Variants in AARS1 observed in about 807,000 individuals in gnomAD.
AARS1 encodes the protein alanyl-tRNA synthetase 1, also known as alanine--tRNA ligase, cytoplasmic.
AARS1 carries 72 observed loss-of-function variants against 108.9 expected under a neutral mutation model. That is an observed-to-expected ratio of 0.66 (90% confidence interval 0.55 to 0.80). The LOEUF is 0.80. AARS1 is among the 30% of genes least tolerant of loss of function. AARS1 has a pLI of 0.00. For missense variants in AARS1, 1,193 were observed against 1,233.2 expected (o/e 0.97, Z 0.49); for synonymous variants, 489 against 465.7 (o/e 1.05, Z -0.64).
chr16:70,276,763 A>G (rs1001965240), intron 3 of AARS1, 132 bp from the exon 4 acceptor site: 32 of 1,227,846 alleles, frequency 2.6e-5, no homozygotes, highest in African/African-American at 3.0e-5. Context: ...AGATCAGTTT[A>G]TGTAAGAAAT....
At position 70,282,607 on chromosome 16, in the gene AARS1, G is replaced by GA. The variant is rs751575387; in HGVS notation, c.144+12dup. The GA allele has an allele frequency of 7.4e-6, 12 of 1,613,932 alleles. No homozygotes were observed. The highest frequency in any genetic ancestry group is 1.3e-5 in the African/African-American group (1 of 74,902). ...TGTGAACCAAAAGCCAAGAAAAAAG[G>GA]AAAAACCCTTACCTGGTTCATGCCT... is the stretch of plus-strand genomic sequence containing the variant. On this transcript the variant is annotated intron_variant, in intron 2 of 20. Transcript: ENST00000261772.
chr16:70,270,139 AGAGTACAG>A, intron 6 of AARS1, 49 bp downstream of exon 6: 1 of 1,603,836 alleles, frequency 6.2e-7, no homozygotes, highest in Non-Finnish European at 8.5e-7. Context: ...AGCACTGTTA[AGAGTACAG>A]CCTGGAAAAC....
At chr16:70,265,150 G>C (rs1960233462) in intron 10 of AARS1, 48 bp from the exon 11 acceptor site, 1 of 1,611,438 alleles carries the variant, frequency 6.2e-7, no homozygotes, top group African/African-American at 1.3e-5. Context: ...TAGGAGAAAA[G>C]GGACTCCAAA....
At chr16:70,265,684 T>C in intron 9 of AARS1, 22 bp from the exon 10 acceptor site, 1 of 1,611,484 alleles carries the variant, frequency 6.2e-7, no homozygotes, top group Non-Finnish European at 8.5e-7. Flanking sequence ...AAAGGAGGTG[T>C]GTCAAAAAAA....
chr16:70,264,722 T>A (rs145567098), intron 11 of AARS1, among the ~76,000 whole-genome samples: 1 of 149,196 alleles, frequency 6.7e-6, no homozygotes, highest in Non-Finnish European at 1.5e-5. Context: ...TGTGAGACCC[T>A]TCCTACAAAT....
At chr16:70,271,759 T>C (rs1960408141) in intron 5 of AARS1, 22 bp downstream of exon 5, 1 of 1,612,732 alleles carries the variant, frequency 6.2e-7, no homozygotes, top group Non-Finnish European at 8.5e-7. Flanking sequence ...AGGAAAGGAA[T>C]GGAGTAGGAA....
At chr16:70,267,220 G>C (rs534217933) in intron 9 of AARS1, among the ~76,000 whole-genome samples, 1 of 152,126 alleles carries the variant, frequency 6.6e-6, no homozygotes, top group Non-Finnish European at 1.5e-5. Flanking sequence ...CTTCAATAAA[G>C]AATCTTTGGA....
intron 15 of AARS1, among the ~76,000 whole-genome samples, chr16:70,256,999 C>T (rs1960007367): frequency 6.6e-6 from 1 of 151,990 alleles, no homozygotes; most frequent in African/African-American, 2.4e-5. Context: ...CCTGTAATCC[C>T]AGCACTTTGG....
At position 70,262,470 on chromosome 16, in the gene AARS1, A is replaced by G; in HGVS notation, c.1547T>C (p.Val516Ala). ...CTCCTGGCCTGTGGACACCTCTTCC[A>G]CGAACATCTTCTCCCTGCGCAGAGC... is the stretch of plus-strand genomic sequence containing the variant. ...VMALRREKMF[V>A]EEVSTGQECG... Residue 516 changes from valine to alanine, a missense_variant, in exon 12 of 21, where the codon GTG becomes GCG. Physicochemically the swap from Val to Ala is moderately conservative, Grantham distance 64 (BLOSUM62 0). Coordinates refer to ENST00000261772, the MANE Select transcript of AARS1 (RefSeq NM_001605.3). 1 of 1,614,182 alleles carries G rather than the reference A, an allele frequency of 6.2e-7. No homozygotes were observed. The highest frequency in any genetic ancestry group is 1.1e-5 in the South Asian group (1 of 91,086).
chr16:70,289,004 G>C (rs767588258), intron 1 of AARS1, among the ~76,000 whole-genome samples: 3 of 152,128 alleles, frequency 2.0e-5, no homozygotes, highest in Non-Finnish European at 4.4e-5. Context: ...AATACAAACT[G>C]TTTTACAGAA....
chr16:70,273,339 G>A (rs1267875385), intron 4 of AARS1, among the ~76,000 whole-genome samples: 1 of 152,026 alleles, frequency 6.6e-6, no homozygotes, highest in Non-Finnish European at 1.5e-5. Context: ...TCACAAATTC[G>A]ACCAAGTTCA....
At chr16:70,288,424 A>G (rs986422042) in intron 1 of AARS1, among the ~76,000 whole-genome samples, 1 of 150,814 alleles carries the variant, frequency 6.6e-6, no homozygotes, top group Non-Finnish European at 1.5e-5. Context: ...CCCCTTCTTG[A>G]TAAGGCTCCC....
intron 11 of AARS1, 131 bp downstream of exon 11, chr16:70,264,827 G>T: frequency 9.0e-7 from 1 of 1,116,924 alleles, no homozygotes; most frequent in Non-Finnish European, 1.3e-6. Context: ...AAAGTGCATA[G>T]CGTGACTGTA....
At chr16:70,277,382 G>A (rs756853680) in intron 2 of AARS1, among the ~76,000 whole-genome samples, 5 of 152,138 alleles carry the variant, frequency 3.3e-5, no homozygotes, top group Admixed American at 2.6e-4. Context: ...CCACCACCAC[G>A]AGTGACACCA....
At chr16:70,258,926 G>A (rs1425195299) in intron 14 of AARS1, 54 bp downstream of exon 14, 1 of 1,551,768 alleles carries the variant, frequency 6.4e-7, no homozygotes, top group African/African-American at 1.4e-5. Context: ...CTAAGACTGT[G>A]GACAGACAGT....
At chr16:70,253,037 CT>C in intron 20 of AARS1, 131 bp from the exon 21 acceptor site, 1 of 1,123,216 alleles carries the variant, frequency 8.9e-7, no homozygotes, top group Non-Finnish European at 1.3e-6. Flanking sequence ...CCGAGACAGA[CT>C]TTACGGCTGG....
chr16:70,253,257 G>A lies in AARS1; in HGVS notation c.2721+11C>T, dbSNP rs2152149674. ...ACCTAACACTTCCCACTGGTGCGAG[G>A]TGGTGCTGACCTGGGGAACTTGACA... On this transcript the variant is annotated intron_variant, in intron 20 of 20. Transcript: ENST00000261772. 2 of 1,594,858 alleles carry A rather than the reference G, an allele frequency of 1.3e-6. No individual in the cohort carries two copies. Among genetic ancestry groups the A allele is most frequent in the Middle Eastern group, 3.3e-4 (2 of 6,030 alleles).
At chr16:70,270,428 C>G in intron 5 of AARS1, 88 bp from the exon 6 acceptor site, 2 of 1,548,660 alleles carry the variant, frequency 1.3e-6, no homozygotes, top group East Asian at 2.2e-5. Flanking sequence ...ATTTACAGAA[C>G]AGTTTGCAGG....
intron 1 of AARS1, 41 bp downstream of exon 1, chr16:70,289,380 C>A (rs1960977290): frequency 2.8e-6 from 1 of 355,330 alleles, no homozygotes; most frequent in South Asian, 2.1e-5. Flanking sequence ...GCGGGCCCAG[C>A]CGCTCTCCTA....
Sources: gnomAD v4.1 joint callset for allele counts (sites outside exome capture counted in the v4.1 genomes callset) on GRCh38, gnomAD v4.1.1 for gene constraint, MANE v1.5 for transcripts, NCBI Gene and HGNC (gene_info 2026-07-23, HGNC 2026-07-21) for gene names.